CWC27: variants seen among roughly 807,000 people sequenced by gnomAD.
CWC27 encodes the protein spliceosome-associated protein CWC27 homolog.
CWC27 carries 47 observed loss-of-function variants against 63.6 expected under a neutral mutation model. The ratio of observed to expected loss-of-function variants is 0.74; its 90% confidence interval spans 0.58 to 0.94. The LOEUF is 0.94. Among genes scored for constraint, CWC27 ranks in the 40% least tolerant of loss-of-function variants. The pLI is 0.00. For synonymous variants in CWC27, 175 were observed against 179.8 expected, an observed-to-expected ratio of 0.97 and a Z score of 0.22; for missense variants, 495 against 554.3, an observed-to-expected ratio of 0.89 and a Z score of 1.07.
intron 13 of CWC27, among the ~76,000 whole-genome samples, chr5:65,013,741 T>G (rs964242308): frequency 3.3e-5 from 5 of 152,206 alleles, no homozygotes; most frequent in Admixed American, 6.5e-5. Context: ...TTAGGACACC[T>G]GCAACAATCG....
At chr5:64,959,801 C>G (rs921080020) in intron 11 of CWC27, among the ~76,000 whole-genome samples, 1 of 152,166 alleles carries the variant, frequency 6.6e-6, no homozygotes, top group Non-Finnish European at 1.5e-5. Context: ...AATGATCTAT[C>G]TGTTTATTTG....
intron 10 of CWC27, among the ~76,000 whole-genome samples, chr5:64,820,780 C>T (rs968835299): frequency 1.3e-4 from 20 of 151,872 alleles, no homozygotes; most frequent in African/African-American, 4.3e-4. Context: ...AAAATTTACT[C>T]AAAATGGATC....
intron 13 of CWC27, among the ~76,000 whole-genome samples, chr5:65,016,622 T>C (rs1750053237): frequency 6.6e-6 from 1 of 152,178 alleles, no homozygotes; most frequent in African/African-American, 2.4e-5. Context: ...GTAGAAACGG[T>C]ACATAAGTCT....
At position 64,851,502 on chromosome 5, in the gene CWC27, C is replaced by T. The variant is rs757360934; in HGVS notation, c.939-33941C>T. Among the ~76,000 whole-genome samples the T allele has an allele frequency of 5.9e-5, 9 of 152,104 alleles. No homozygotes were observed. In the East Asian group the frequency reaches 9.6e-4, roughly 16 times the overall value. On this transcript the variant is annotated intron_variant, in intron 10 of 13. Coordinates refer to ENST00000381070, the MANE Select transcript of CWC27 (RefSeq NM_005869.4). ...TGCACAGCATCGTTAATGTAGTTAA[C>T]AATGGAGTATTATACATCTCAAAAT...
chr5:64,948,704 A>G (rs1748643405), intron 11 of CWC27, among the ~76,000 whole-genome samples: 1 of 152,022 alleles, frequency 6.6e-6, no homozygotes, highest in Non-Finnish European at 1.5e-5. Flanking sequence ...CAGTATTCAT[A>G]GTTAACAGGC....
intron 2 of CWC27, among the ~76,000 whole-genome samples, chr5:64,781,151 C>T (rs1743674309): frequency 1.3e-5 from 2 of 152,092 alleles, no homozygotes. Context: ...AGGTCATATA[C>T]AGTCTCTCCT....
At chr5:64,816,950 C>G (rs1745050679) in intron 10 of CWC27, among the ~76,000 whole-genome samples, 1 of 152,130 alleles carries the variant, frequency 6.6e-6, no homozygotes, top group Non-Finnish European at 1.5e-5. Context: ...CATTAAGAAA[C>G]AGAAGCAGTG....
Position 64,804,195 on chromosome 5 carries a change from G to A in CWC27, c.781-34G>A, listed in dbSNP as rs745337361. ...CTCTAGAAATGAAAGGGGAAATTGA[G>A]CACCTGGCAAATACTCATTTTCCAT... On this transcript the variant is annotated intron_variant, in intron 9 of 13. Transcript: ENST00000381070. 9 of 1,552,796 alleles carry A rather than the reference G, an allele frequency of 5.8e-6. No individual in the cohort carries two copies. In the South Asian group the frequency reaches 8.7e-5, roughly 15 times the overall value.
At chr5:64,910,785 G>A in intron 11 of CWC27, among the ~76,000 whole-genome samples, 1 of 152,194 alleles carries the variant, frequency 6.6e-6, no homozygotes, top group East Asian at 1.9e-4. Flanking sequence ...CTCCTGGTGT[G>A]CCATTTGCTA....
chr5:64,782,230 T>C (rs111365196), intron 3 of CWC27, among the ~76,000 whole-genome samples, 197 bp downstream of exon 3: 1 of 152,074 alleles, frequency 6.6e-6, no homozygotes, highest in African/African-American at 2.4e-5. Flanking sequence ...GGCGGATCAC[T>C]TGAGGTCGGG....
At chr5:64,908,866 G>T (rs934983879) in intron 11 of CWC27, among the ~76,000 whole-genome samples, 6 of 152,106 alleles carry the variant, frequency 3.9e-5, no homozygotes, top group Non-Finnish European at 8.8e-5. Flanking sequence ...TTTAATTGGG[G>T]CATTTAGCCC....
intron 11 of CWC27, among the ~76,000 whole-genome samples, chr5:64,920,217 C>T (rs774665504): frequency 6.6e-6 from 1 of 152,128 alleles, no homozygotes; most frequent in African/African-American, 2.4e-5. Context: ...AATCCTTCTG[C>T]CACGGCCTCC....
intron 11 of CWC27, among the ~76,000 whole-genome samples, chr5:64,946,005 C>T (rs941380985): frequency 9.2e-5 from 14 of 152,054 alleles, no homozygotes; most frequent in African/African-American, 3.1e-4. Flanking sequence ...TTTAATAGAG[C>T]AGAATAGAGA....
intron 13 of CWC27, among the ~76,000 whole-genome samples, chr5:64,987,879 G>A (rs1338666408): frequency 6.6e-6 from 1 of 152,108 alleles, no homozygotes; most frequent in Admixed American, 6.5e-5. Flanking sequence ...GTTCTTGCAA[G>A]TTTGATTTGC....
At chr5:64,800,103 A>G (rs886833163) in intron 7 of CWC27, 145 bp from the exon 8 acceptor site, 31 of 478,586 alleles carry the variant, frequency 6.5e-5, no homozygotes, top group African/African-American at 5.9e-4. Context: ...TACTTATAAA[A>G]CTTTAGTTTG....
intron 13 of CWC27, among the ~76,000 whole-genome samples, chr5:64,991,324 T>C (rs1010375756): frequency 6.6e-6 from 1 of 152,296 alleles, no homozygotes; most frequent in East Asian, 1.9e-4. Flanking sequence ...TACTCTCCAA[T>C]GTCCCTTCAA....
chr5:64,884,978 G>A (rs1421390465), intron 10 of CWC27, among the ~76,000 whole-genome samples: 1 of 152,178 alleles, frequency 6.6e-6, no homozygotes, highest in Non-Finnish European at 1.5e-5. Flanking sequence ...TTAAAAGTTT[G>A]TAGCGTGACA....
At chr5:64,826,750 A>G (rs561244861) in intron 10 of CWC27, among the ~76,000 whole-genome samples, 1 of 146,474 alleles carries the variant, frequency 6.8e-6, no homozygotes, top group African/African-American at 2.6e-5. Context: ...TGTTAGTTTC[A>G]TGTCTTCTGC....
intron 11 of CWC27, among the ~76,000 whole-genome samples, chr5:64,939,583 A>C (rs1362922079): frequency 6.6e-6 from 1 of 152,158 alleles, no homozygotes; most frequent in Non-Finnish European, 1.5e-5. Flanking sequence ...TCAAGTCAGG[A>C]GGCACAGGTG....
Sources: allele counts gnomAD v4.1 joint callset (sites outside exome capture counted in the v4.1 genomes callset), GRCh38; gene constraint gnomAD v4.1.1; transcripts MANE v1.5; gene names NCBI Gene and HGNC (gene_info 2026-07-23, HGNC 2026-07-21).